The following LRRC4C variants were observed in gnomAD, a reference collection of about 807,000 sequenced individuals.
The protein encoded by LRRC4C is leucine-rich repeat-containing protein 4C.
A neutral mutation model predicts 33.6 loss-of-function variants in LRRC4C; 5 were observed. The ratio of observed to expected loss-of-function variants is 0.15; its 90% CI spans 0.08 to 0.31. The LOEUF (loss-of-function observed/expected upper bound fraction) is 0.31. Ranked by LOEUF, LRRC4C falls within the 10% of genes least tolerant of loss-of-function variation. The pLI is 1.00. For missense variants in LRRC4C, 560 were observed against 796.7 expected, an observed-to-expected ratio of 0.70 and a Z score of 3.58; for synonymous variants, 329 against 302.0, an observed-to-expected ratio of 1.09 and a Z score of -0.93.
At chr11:40,248,070 T>C (rs1328439850) in intron 4 of LRRC4C, among the ~76,000 whole-genome samples, 2 of 152,152 alleles carry the variant, frequency 1.3e-5, no homozygotes, top group Non-Finnish European at 2.9e-5. Context: ...GTAAAAGCCT[T>C]GTGACATGAT....
intron 1 of LRRC4C, among the ~76,000 whole-genome samples, chr11:41,009,682 T>TACATA (rs1855030733): frequency 6.6e-6 from 1 of 152,200 alleles, no homozygotes; most frequent in African/African-American, 2.4e-5. Context: ...TTGCATAAAA[T>TACATA]ACATAGTTTC....
At chr11:40,560,385 A>G (rs1440635285) in intron 3 of LRRC4C, among the ~76,000 whole-genome samples, 1 of 152,088 alleles carries the variant, frequency 6.6e-6, no homozygotes, top group Non-Finnish European at 1.5e-5. Context: ...ACACCATGCC[A>G]ACAACGAATT....
chr11:40,944,835 A>G (rs1958317606), intron 1 of LRRC4C, among the ~76,000 whole-genome samples: 1 of 152,186 alleles, frequency 6.6e-6, no homozygotes, highest in Non-Finnish European at 1.5e-5. Flanking sequence ...ACAATATTTG[A>G]CATTTGGCTA....
At chr11:40,383,871 G>T (rs1463976920) in intron 3 of LRRC4C, among the ~76,000 whole-genome samples, 4 of 150,340 alleles carry the variant, frequency 2.7e-5, no homozygotes, top group South Asian at 2.1e-4. Context: ...TTTTTGTTGA[G>T]ATAGGGTCTC....
At position 40,894,214 on chromosome 11, in the gene LRRC4C, C is replaced by T. The variant is rs954157444; in HGVS notation, c.-407+39421G>A. Among the ~76,000 whole-genome samples, 9 of 152,072 alleles carry T rather than the reference C, an allele frequency of 5.9e-5. No homozygotes were observed. In the East Asian group the frequency reaches 7.7e-4, roughly 13 times the overall value. On this transcript the variant is annotated intron_variant, in intron 2 of 6. Coordinates refer to ENST00000528697, the MANE Select transcript of LRRC4C (RefSeq NM_001258419.2). ...AGACTTTTAGTCCAAAGATTCAAAACGTATTGATACATGTCTCTAAAATGC... is the reference window on the plus strand; with the variant it reads ...AGACTTTTAGTCCAAAGATTCAAAATGTATTGATACATGTCTCTAAAATGC...
intron 2 of LRRC4C, among the ~76,000 whole-genome samples, chr11:40,682,777 T>TAAATAAAA (rs1555143904): frequency 6.8e-6 from 1 of 146,014 alleles, no homozygotes; most frequent in Non-Finnish European, 1.5e-5. Flanking sequence ...AATAAATAAA[T>TAAATAAAA]AAAATAAAGA....
intron 2 of LRRC4C, among the ~76,000 whole-genome samples, chr11:40,729,867 C>A (rs1947469887): frequency 6.6e-6 from 1 of 151,954 alleles, no homozygotes; most frequent in South Asian, 2.1e-4. Flanking sequence ...AAATAAATGG[C>A]AAGTAGAGAG....
chr11:40,234,440 G>A (rs1467850175), intron 5 of LRRC4C, among the ~76,000 whole-genome samples: 2 of 152,118 alleles, frequency 1.3e-5, no homozygotes, highest in Non-Finnish European at 2.9e-5. Flanking sequence ...AGAGAAGGAT[G>A]TTTTACACAA....
chr11:40,242,893 G>A (rs1441107415), intron 4 of LRRC4C, among the ~76,000 whole-genome samples: 2 of 151,782 alleles, frequency 1.3e-5, no homozygotes, highest in Non-Finnish European at 2.9e-5. Context: ...GAATGTTTTC[G>A]GCATGCTCTT....
intron 3 of LRRC4C, among the ~76,000 whole-genome samples, chr11:40,616,275 G>A (rs999341924): frequency 2.6e-5 from 4 of 151,858 alleles, no homozygotes; most frequent in African/African-American, 9.7e-5. Flanking sequence ...TGCTGGAGAG[G>A]GTGTGGAGAA....
intron 3 of LRRC4C, among the ~76,000 whole-genome samples, chr11:40,479,858 C>G (rs1953453653): frequency 6.6e-6 from 1 of 152,050 alleles, no homozygotes; most frequent in Non-Finnish European, 1.5e-5. Context: ...TAGGTTCAGA[C>G]CAGATGTCTT....
At chr11:40,316,830 G>T (rs1056907589) in intron 4 of LRRC4C, among the ~76,000 whole-genome samples, 3 of 151,934 alleles carry the variant, frequency 2.0e-5, no homozygotes, top group Non-Finnish European at 4.4e-5. Context: ...CAGGAAACCA[G>T]ATAGCCTTGA....
intron 1 of LRRC4C, among the ~76,000 whole-genome samples, chr11:41,371,420 T>C (rs1448704530): frequency 6.6e-6 from 1 of 152,230 alleles, no homozygotes; most frequent in Non-Finnish European, 1.5e-5. Flanking sequence ...TTGATTCCTT[T>C]GAAATATTGT....
chr11:40,288,522 A>C (rs974806202), intron 4 of LRRC4C, among the ~76,000 whole-genome samples: 1 of 152,198 alleles, frequency 6.6e-6, no homozygotes, highest in Non-Finnish European at 1.5e-5. Context: ...AGGTCCCTAG[A>C]AGAATATTAA....
At chr11:40,683,437 T>G (rs1351387421) in intron 2 of LRRC4C, among the ~76,000 whole-genome samples, 1 of 152,202 alleles carries the variant, frequency 6.6e-6, no homozygotes, top group African/African-American at 2.4e-5. Flanking sequence ...GCTGTCTCTA[T>G]ACATGGCAAA....
intron 1 of LRRC4C, among the ~76,000 whole-genome samples, chr11:40,938,295 A>T (rs1293784899): frequency 1.3e-5 from 2 of 152,102 alleles, no homozygotes; most frequent in East Asian, 3.9e-4. Flanking sequence ...CACCGCAATG[A>T]TTCTGTACTG....
intron 2 of LRRC4C, among the ~76,000 whole-genome samples, chr11:40,919,335 C>A (rs1225305203): frequency 6.6e-6 from 1 of 152,112 alleles, no homozygotes; most frequent in African/African-American, 2.4e-5. Context: ...TTTTAAGCCT[C>A]ACTTTCTTCC....
intron 1 of LRRC4C, among the ~76,000 whole-genome samples, chr11:41,030,678 G>T (rs748953591): frequency 6.6e-6 from 1 of 151,720 alleles, no homozygotes; most frequent in Admixed American, 6.6e-5. Flanking sequence ...TTCTACCATC[G>T]TGTTTGATTT....
chr11:41,131,994 A>C (rs572264604), intron 1 of LRRC4C, among the ~76,000 whole-genome samples: 1 of 152,204 alleles, frequency 6.6e-6, no homozygotes, highest in African/African-American at 2.4e-5. Flanking sequence ...CTGTAAATAT[A>C]CTCAGTTGAG....
Sources: allele counts gnomAD v4.1 joint callset (sites outside exome capture counted in the v4.1 genomes callset), GRCh38; gene constraint gnomAD v4.1.1; transcripts MANE v1.5; gene names NCBI Gene and HGNC (gene_info 2026-07-23, HGNC 2026-07-21).